The following PHACTR3 variants were observed in gnomAD, a reference collection of about 807,000 sequenced individuals.
PHACTR3 encodes the protein protein phosphatase 1, regulatory subunit 123.
A neutral mutation model predicts 66.8 loss-of-function variants in PHACTR3; 16 were observed. That is an observed-to-expected ratio of 0.24 (90% confidence interval 0.16 to 0.36). The LOEUF is 0.36. PHACTR3 is among the 10% of genes least tolerant of loss of function. The probability of loss-of-function intolerance (pLI) is 1.00; values close to 1 mark genes in which losing one functional copy is unlikely to be tolerated. For missense variants in PHACTR3, 647 were observed against 719.9 expected (o/e 0.90, Z 1.16); for synonymous variants, 323 against 292.1 (o/e 1.11, Z -1.08).
intron 1 of PHACTR3, among the ~76,000 whole-genome samples, chr20:59,622,083 T>G (rs908094524): frequency 6.6e-6 from 1 of 152,162 alleles, no homozygotes; most frequent in Non-Finnish European, 1.5e-5. Context: ...TATATGTGTG[T>G]GTATGTGCAT....
At chr20:59,792,804 A>T (rs1275029284) in intron 7 of PHACTR3, among the ~76,000 whole-genome samples, 2 of 152,126 alleles carry the variant, frequency 1.3e-5, no homozygotes, top group Non-Finnish European at 2.9e-5. Flanking sequence ...GTCTGTTTTT[A>T]TGCTGCTTTA....
chr20:59,657,934 A>G (rs2035676733), intron 1 of PHACTR3, among the ~76,000 whole-genome samples: 1 of 152,262 alleles, frequency 6.6e-6, no homozygotes, highest in East Asian at 1.9e-4. Flanking sequence ...TGGTACTCCC[A>G]TTATACATAT....
At chr20:59,715,267 A>G (rs2038053545) in intron 1 of PHACTR3, among the ~76,000 whole-genome samples, 1 of 152,160 alleles carries the variant, frequency 6.6e-6, no homozygotes, top group Admixed American at 6.5e-5. Flanking sequence ...GATTTTTTGT[A>G]TATATTCCTC....
At chr20:59,648,331 C>A (rs1181567315) in intron 1 of PHACTR3, among the ~76,000 whole-genome samples, 1 of 152,154 alleles carries the variant, frequency 6.6e-6, no homozygotes, top group Non-Finnish European at 1.5e-5. Flanking sequence ...GTGAAGAATA[C>A]CAAAGCTGTA....
chr20:59,837,323 T>G (rs2058984120), intron 9 of PHACTR3, among the ~76,000 whole-genome samples: 2 of 152,340 alleles, frequency 1.3e-5, no homozygotes, highest in African/African-American at 2.4e-5. Context: ...TACTGCAGAC[T>G]TTCTCTGAGT....
chr20:59,762,572 G>A (rs2040028507), intron 4 of PHACTR3, among the ~76,000 whole-genome samples: 1 of 152,244 alleles, frequency 6.6e-6, no homozygotes, highest in African/African-American at 2.4e-5. Flanking sequence ...CAGGGTGGCT[G>A]CACATCTACT....
Position 59,605,113 on chromosome 20 carries a change from G to T in PHACTR3, c.99G>T (p.Ala33=). The change falls in exon 1 of 13, where the codon GCG becomes GCT. Residue 33 remains alanine (A), a synonymous_variant. Transcript: ENST00000371015. ...VLTDSSATSS[A]DAGENPDEMD... is the part of the protein sequence containing the mutation. Reference sequence around the variant, plus strand: ...CCGACTCCTCGGCCACCTCCTCCGCGGACGCCGGGGAGAACCCAGGTAACG... The same window carrying T: ...CCGACTCCTCGGCCACCTCCTCCGCTGACGCCGGGGAGAACCCAGGTAACG... The T allele has an allele frequency of 7.3e-7, 1 of 1,375,324 alleles. No homozygotes were observed. The highest frequency in any genetic ancestry group is 1.8e-5 in the South Asian group (1 of 55,952). The allele number at this position is 1,375,324 out of a possible 1,614,324, so 85.2% of individuals were successfully genotyped here. A position where few individuals can be genotyped will look rare whatever the true frequency, so the allele number is the denominator to read the frequency against.
chr20:59,631,901 C>T lies in PHACTR3; in HGVS notation c.118+26769C>T, dbSNP rs1194486110. ...GGTCCTCAGAGCTGAGGTCTGTGTTCCCAGAAGCCCCTGTAGAGTGGCATC... is the reference window on the plus strand; with the variant it reads ...GGTCCTCAGAGCTGAGGTCTGTGTTTCCAGAAGCCCCTGTAGAGTGGCATC... On this transcript the variant is annotated intron_variant, in intron 1 of 12. Transcript: ENST00000371015. Among the ~76,000 whole-genome samples the T allele has an allele frequency of 5.3e-5, 8 of 152,122 alleles. No homozygotes were observed. The East Asian group carries it at 1.5e-3, about 29-fold the overall frequency.
At chr20:59,637,945 C>CATT (rs1286781309) in intron 1 of PHACTR3, among the ~76,000 whole-genome samples, 1 of 152,126 alleles carries the variant, frequency 6.6e-6, no homozygotes, top group African/African-American at 2.4e-5. Context: ...AAGAGATTCC[C>CATT]ATTATTATTA....
At chr20:59,632,604 A>G (rs1478290644) in intron 1 of PHACTR3, among the ~76,000 whole-genome samples, 1 of 152,176 alleles carries the variant, frequency 6.6e-6, no homozygotes, top group Admixed American at 6.5e-5. Flanking sequence ...GCATCCCTGG[A>G]TCCAGCGTGT....
At chr20:59,614,052 T>C (rs962764270) in intron 1 of PHACTR3, among the ~76,000 whole-genome samples, 19 of 152,204 alleles carry the variant, frequency 1.2e-4, no homozygotes, top group Non-Finnish European at 2.2e-4. Flanking sequence ...CGAGGCTGAG[T>C]AACCGGCCCA....
chr20:59,644,558 A>G (rs1330015347), intron 1 of PHACTR3, among the ~76,000 whole-genome samples: 1 of 152,192 alleles, frequency 6.6e-6, no homozygotes, highest in Non-Finnish European at 1.5e-5. Flanking sequence ...CCTGGTGCTT[A>G]GCAGCCTGTA....
chr20:59,801,291 C>G (rs2041407120), intron 7 of PHACTR3, among the ~76,000 whole-genome samples: 1 of 152,198 alleles, frequency 6.6e-6, no homozygotes. Context: ...GGGCCTACTC[C>G]ATTTGATTCT....
chr20:59,774,620 G>T (rs369777343), intron 7 of PHACTR3, 130 bp downstream of exon 7: 8 of 1,274,056 alleles, frequency 6.3e-6, no homozygotes, highest in South Asian at 6.0e-5. Flanking sequence ...GAAACAAGAG[G>T]GGGGCTGTGT....
chr20:59,615,894 G>T (rs1327423605), intron 1 of PHACTR3, among the ~76,000 whole-genome samples: 1 of 152,168 alleles, frequency 6.6e-6, no homozygotes, highest in Non-Finnish European at 1.5e-5. Flanking sequence ...GAGAATTGGG[G>T]CCAGTCTTGT....
intron 1 of PHACTR3, among the ~76,000 whole-genome samples, chr20:59,594,584 G>C (rs1342097221): frequency 6.6e-6 from 1 of 152,124 alleles, no homozygotes; most frequent in East Asian, 1.9e-4. Context: ...GAATTGTTCA[G>C]AGTATTCTGT....
intron 7 of PHACTR3, among the ~76,000 whole-genome samples, chr20:59,804,675 G>C (rs2041510988): frequency 6.6e-6 from 1 of 152,212 alleles, no homozygotes; most frequent in Admixed American, 6.5e-5. Context: ...TTAAAACAAA[G>C]TGGGGCCTGA....
chr20:59,772,177 C>G (rs1389184425), intron 5 of PHACTR3, among the ~76,000 whole-genome samples: 1 of 152,250 alleles, frequency 6.6e-6, no homozygotes, highest in Non-Finnish European at 1.5e-5. Flanking sequence ...AGCCCATGCT[C>G]TCTGCTCTTC....
In PHACTR3 at chr20:59,641,009, T is replaced by C. The variant is rs543200428; in HGVS notation, c.118+35877T>C. Among the ~76,000 whole-genome samples the C allele has an allele frequency of 5.9e-4, 90 of 152,268 alleles. 1 individual carries two copies. The highest frequency in any genetic ancestry group is 1.2e-3 in the Non-Finnish European group (79 of 68,030). On this transcript the variant is annotated intron_variant, in intron 1 of 12. Coordinates refer to ENST00000371015, the MANE Select transcript of PHACTR3 (RefSeq NM_080672.5). ...CTATATAAATATAGATACATAGATA[T>C]ATGGGGAGAAGATATAGATAGAGAT...
Sources: allele counts gnomAD v4.1 joint callset (sites outside exome capture counted in the v4.1 genomes callset), GRCh38; gene constraint gnomAD v4.1.1; transcripts MANE v1.5; gene names NCBI Gene and HGNC (gene_info 2026-07-23, HGNC 2026-07-21).